The following SYT14 variants were observed in gnomAD, a reference collection of about 807,000 sequenced individuals.
SYT14 encodes the protein synaptotagmin-14.
SYT14 carries 32 observed loss-of-function variants against 74.2 expected under a neutral mutation model. That is an observed-to-expected ratio of 0.43 (90% confidence interval 0.33 to 0.58). SYT14 has a LOEUF of 0.58. Among genes scored for constraint, SYT14 ranks in the 20% least tolerant of loss-of-function variants. SYT14 has a pLI of 0.05. For missense variants in SYT14, 791 were observed against 981.8 expected (o/e 0.81, Z 2.60); for synonymous variants, 298 against 337.7 (o/e 0.88, Z 1.29).
chr1:210,004,142 G>T (rs1270785272), intron 2 of SYT14, among the ~76,000 whole-genome samples: 3 of 151,858 alleles, frequency 2.0e-5, no homozygotes, highest in Non-Finnish European at 1.5e-5. Flanking sequence ...ACATTTTACT[G>T]AGCCAACATT....
intron 7 of SYT14, among the ~76,000 whole-genome samples, chr1:210,133,524 G>A (rs2082719313): frequency 6.6e-6 from 1 of 152,182 alleles, no homozygotes; most frequent in Middle Eastern, 3.2e-3. Flanking sequence ...TGAGTAGCTG[G>A]AGTTAGTCAA....
chr1:210,015,620 G>A (rs11119392), intron 3 of SYT14: 19,979 of 155,618 alleles, frequency 0.13, 4,110 homozygotes, highest in African/African-American at 0.44. Context: ...GTTCCCTTAC[G>A]TAGACTGTTA....
At chr1:210,046,422 A>C (rs1558151330) in intron 5 of SYT14, among the ~76,000 whole-genome samples, 1 of 150,754 alleles carries the variant, frequency 6.6e-6, no homozygotes, top group East Asian at 1.9e-4. Context: ...CAAGTCAATG[A>C]TTTTTTTTTT....
At chr1:210,099,320 C>A (rs2082019125) in intron 6 of SYT14, among the ~76,000 whole-genome samples, 1 of 152,052 alleles carries the variant, frequency 6.6e-6, no homozygotes, top group Admixed American at 6.6e-5. Context: ...CCGTTACAGC[C>A]TTTCTTGAAC....
At chr1:210,077,002 T>C (rs978375128) in intron 5 of SYT14, among the ~76,000 whole-genome samples, 4 of 152,348 alleles carry the variant, frequency 2.6e-5, no homozygotes, top group Admixed American at 2.6e-4. Flanking sequence ...GGTTCTTCCT[T>C]ATTGTAGAAT....
chr1:209,981,208 A>C lies in SYT14; in HGVS notation c.-486+28452A>C, dbSNP rs548734498. Among the ~76,000 whole-genome samples, 4 of 152,188 alleles carry C rather than the reference A, an allele frequency of 2.6e-5. No individual in the cohort carries two copies. The East Asian group carries it at 7.7e-4, about 29-fold the overall frequency. ...AGTTTTTATTGTGTGGAAGCTGTAT[A>C]GGGTCTATGGGCTATGTACTTTATT... On this transcript the variant is annotated intron_variant, in intron 2 of 9. Transcript: ENST00000637265.
chr1:209,966,017 C>G (rs1057397238), intron 2 of SYT14: 1 of 433,838 alleles, frequency 2.3e-6, no homozygotes, highest in Admixed American at 2.6e-5. Context: ...ACTACAGGTG[C>G]GTGCCCACCA....
rs1487024037 is a variant in SYT14, at chr1:209,953,191, A to G, written c.-486+435A>G. 2.3e-6 allele frequency: 3 copies of G among 1,287,644 alleles called. No homozygotes were observed. In the African/African-American group the frequency reaches 4.6e-5, roughly 20 times the overall value. 79.8% of individuals were successfully genotyped at this position (1,287,644 alleles called of 1,614,324 possible). A position where few individuals can be genotyped will look rare whatever the true frequency, so the allele number is the denominator to read the frequency against. On this transcript the variant is annotated intron_variant, in intron 2 of 9. Transcript: ENST00000637265. ...GACCACAACATCCTTTGACACCAAC[A>G]ACTGTCTATGCTTCCTTAGAAGGAG...
intron 7 of SYT14, among the ~76,000 whole-genome samples, chr1:210,152,098 G>A (rs1279945655): frequency 6.6e-6 from 1 of 152,164 alleles, no homozygotes; most frequent in Non-Finnish European, 1.5e-5. Context: ...ATTTTCATAA[G>A]TGATGATATA....
chr1:210,027,597 G>A (rs1265701324), intron 5 of SYT14, among the ~76,000 whole-genome samples: 3 of 152,104 alleles, frequency 2.0e-5, no homozygotes, highest in East Asian at 3.9e-4. Flanking sequence ...AACTACACTC[G>A]CACAGTTCAA....
chr1:210,141,593 T>C (rs1221997203), intron 7 of SYT14, among the ~76,000 whole-genome samples: 2 of 152,230 alleles, frequency 1.3e-5, no homozygotes, highest in Non-Finnish European at 1.5e-5. Flanking sequence ...GTCATTCCTC[T>C]TTGATGACTT....
At chr1:210,168,558 A>T (rs534679693) in exon 10 of SYT14, 1 of 152,312 alleles carries the variant, frequency 6.6e-6, no homozygotes, top group African/African-American at 2.4e-5. Context: ...ACTGAAAAAA[A>T]TTTTCAAACT....
intron 1 of SYT14, among the ~76,000 whole-genome samples, chr1:209,951,396 T>C (rs976552477): frequency 2.0e-5 from 3 of 152,244 alleles, no homozygotes; most frequent in Admixed American, 2.0e-4. Context: ...TCTGTCCTTC[T>C]GTGTCTGCTT....
intron 4 of SYT14, among the ~76,000 whole-genome samples, chr1:210,017,508 A>G (rs2080211200): frequency 6.6e-6 from 1 of 152,208 alleles, no homozygotes; most frequent in East Asian, 1.9e-4. Flanking sequence ...CTTTGCATCT[A>G]TCCAAATTTA....
intron 8 of SYT14, among the ~76,000 whole-genome samples, chr1:210,158,326 C>T (rs2083308396): frequency 6.6e-6 from 1 of 152,074 alleles, no homozygotes; most frequent in Admixed American, 6.5e-5. Flanking sequence ...CATAAGAGTG[C>T]ACACCCTGCC....
intron 2 of SYT14, among the ~76,000 whole-genome samples, chr1:209,986,455 T>G (rs573535523): frequency 1.3e-5 from 2 of 151,678 alleles, no homozygotes; most frequent in African/African-American, 4.8e-5. Context: ...AATAATAATT[T>G]AAAAAAAATT....
At chr1:210,078,309 CAAAAAAA>C (rs59924487) in intron 5 of SYT14, among the ~76,000 whole-genome samples, 3 of 72,060 alleles carry the variant, frequency 4.2e-5, no homozygotes, top group African/African-American at 1.1e-4. Flanking sequence ...GACTCCGTCT[CAAAAAAA>C]AAAAAAAAAA....
chr1:210,040,615 G>T (rs189179021), intron 5 of SYT14, among the ~76,000 whole-genome samples: 205 of 152,168 alleles, frequency 1.3e-3, no homozygotes, highest in African/African-American at 4.8e-3. Context: ...AATGGACGTA[G>T]GATCAGACTT....
At chr1:209,997,359 A>G (rs2102864268) in intron 2 of SYT14, among the ~76,000 whole-genome samples, 1 of 152,228 alleles carries the variant, frequency 6.6e-6, no homozygotes, top group Admixed American at 6.5e-5. Flanking sequence ...GAAGAACACA[A>G]TCTCATTCAT....
Sources: allele counts gnomAD v4.1 joint callset (sites outside exome capture counted in the v4.1 genomes callset), GRCh38; gene constraint gnomAD v4.1.1; transcripts MANE v1.5; gene names NCBI Gene and HGNC (gene_info 2026-07-23, HGNC 2026-07-21).